XXYLT1: variants seen among roughly 807,000 people sequenced by gnomAD.
XXYLT1 encodes xyloside xylosyltransferase 1.
XXYLT1 carries 20 observed loss-of-function variants against 28.9 expected under a neutral mutation model. The ratio of observed to expected loss-of-function variants is 0.69; its 90% CI spans 0.49 to 1.00. The LOEUF (loss-of-function observed/expected upper bound fraction) is 1.00, where lower values mean the gene tolerates loss of function less well. Among genes scored for constraint, XXYLT1 ranks in the 50% least tolerant of loss-of-function variants. XXYLT1 has a pLI of 0.00. For missense variants in XXYLT1, 542 were observed against 560.1 expected (o/e 0.97, Z 0.33); for synonymous variants, 257 against 253.8 (o/e 1.01, Z -0.12).
intron 2 of XXYLT1, among the ~76,000 whole-genome samples, chr3:195,160,632 C>T (rs1010507842): frequency 2.0e-4 from 30 of 152,188 alleles, no homozygotes; most frequent in Middle Eastern, 3.2e-3. Flanking sequence ...CCTGCGGGAG[C>T]CAAAGGGCAA....
intron 1 of XXYLT1, among the ~76,000 whole-genome samples, chr3:195,228,817 CT>C (rs201938499): frequency 1.4e-4 from 21 of 145,520 alleles, no homozygotes; most frequent in South Asian, 4.4e-4. Context: ...ATATGTATCT[CT>C]TTTTTTTTTT....
At chr3:195,149,179 T>G (rs1249089467) in intron 3 of XXYLT1, among the ~76,000 whole-genome samples, 4 of 152,230 alleles carry the variant, frequency 2.6e-5, no homozygotes, top group African/African-American at 9.6e-5. Flanking sequence ...CAAAAAAAGA[T>G]GTACAAAGGT....
chr3:195,248,087 G>A (rs527411428), intron 1 of XXYLT1, among the ~76,000 whole-genome samples: 67 of 152,196 alleles, frequency 4.4e-4, no homozygotes, highest in African/African-American at 1.4e-3. Context: ...TCACAAAGCC[G>A]CTCATCCAGT....
At chr3:195,162,306 C>G (rs976495957) in intron 2 of XXYLT1, among the ~76,000 whole-genome samples, 2 of 152,128 alleles carry the variant, frequency 1.3e-5, no homozygotes, top group Admixed American at 6.5e-5. Context: ...AGGCTCTGCC[C>G]AGACAGGAAG....
At chr3:195,097,433 C>T (rs577788491) in intron 3 of XXYLT1, among the ~76,000 whole-genome samples, 6 of 152,334 alleles carry the variant, frequency 3.9e-5, no homozygotes, top group Admixed American at 3.3e-4. Flanking sequence ...TGCGTATCAA[C>T]ACGTAGCTAG....
chr3:195,185,412 G>A (rs1030650500), intron 2 of XXYLT1, among the ~76,000 whole-genome samples: 3 of 151,904 alleles, frequency 2.0e-5, no homozygotes, highest in Non-Finnish European at 2.9e-5. Context: ...AGAACCATGA[G>A]GACAGAGAGA....
chr3:195,073,283 G>A (rs935916978), intron 3 of XXYLT1, among the ~76,000 whole-genome samples: 4 of 152,200 alleles, frequency 2.6e-5, no homozygotes, highest in Non-Finnish European at 4.4e-5. Flanking sequence ...AGGAACTTAG[G>A]GCTCAGACCT....
chr3:195,108,070 C>A (rs1461426096), intron 3 of XXYLT1, among the ~76,000 whole-genome samples: 1 of 152,236 alleles, frequency 6.6e-6, no homozygotes, highest in African/African-American at 2.4e-5. Flanking sequence ...TCTCCCACCA[C>A]TCCCCATAGG....
chr3:195,249,018 T>A (rs1725147158), intron 1 of XXYLT1, among the ~76,000 whole-genome samples: 1 of 152,212 alleles, frequency 6.6e-6, no homozygotes, highest in South Asian at 2.1e-4. Context: ...AATTAAAATA[T>A]ACGTTAAGTA....
chr3:195,154,566 C>T (rs1054634096), intron 3 of XXYLT1, among the ~76,000 whole-genome samples: 2 of 152,160 alleles, frequency 1.3e-5, no homozygotes, highest in African/African-American at 4.8e-5. Flanking sequence ...CTCCAGGGAG[C>T]GCGTGCACAA....
In XXYLT1 at chr3:195,150,358, CTG is replaced by C; in HGVS notation, c.785+6089_785+6090del. Among the ~76,000 whole-genome samples, 1 of 152,304 alleles carries C rather than the reference CTG, an allele frequency of 6.6e-6. No individual in the cohort carries two copies. The highest frequency in any genetic ancestry group is 6.5e-5 in the Admixed American group (1 of 15,302). On this transcript the variant is annotated intron_variant, in intron 3 of 3. Transcript: ENST00000310380. This position sits in a 1 kb window ranked among gnomAD's most constrained non-coding sequence, Gnocchi z 4.7. ...CACACCCTCCCTTCTTCCCTCTGTG[CTG>C]GCGCTCACTCCCTCCCCAACACTCC...
intron 3 of XXYLT1, among the ~76,000 whole-genome samples, chr3:195,087,704 T>C (rs1715813596): frequency 6.6e-6 from 1 of 152,170 alleles, no homozygotes; most frequent in Non-Finnish European, 1.5e-5. Context: ...TAGGAACAGC[T>C]CTGGTGTACA....
intron 3 of XXYLT1, among the ~76,000 whole-genome samples, chr3:195,082,512 G>A (rs1053988415): frequency 6.6e-6 from 1 of 152,168 alleles, no homozygotes; most frequent in South Asian, 2.1e-4. Flanking sequence ...ATAAACACAC[G>A]GAACCTCGTG....
chr3:195,110,822 ATAAG>A (rs1412157359), intron 3 of XXYLT1, among the ~76,000 whole-genome samples: 3 of 65,062 alleles, frequency 4.6e-5, no homozygotes, highest in Admixed American at 1.6e-4. Context: ...TGTGTGGTGT[ATAAG>A]TGTGTGTGTG....
chr3:195,262,244 T>C (rs1157792897), intron 1 of XXYLT1, among the ~76,000 whole-genome samples: 2 of 152,152 alleles, frequency 1.3e-5, no homozygotes, highest in Admixed American at 1.3e-4. Flanking sequence ...AGACCACATA[T>C]TAGCTGAGCC....
chr3:195,199,665 G>C (rs561519352), intron 2 of XXYLT1, among the ~76,000 whole-genome samples: 1 of 152,118 alleles, frequency 6.6e-6, no homozygotes, highest in South Asian at 2.1e-4. Flanking sequence ...GAGCTAAGGA[G>C]TCTCATAGGG....
intron 2 of XXYLT1, among the ~76,000 whole-genome samples, chr3:195,219,120 T>A (rs1408105750): frequency 6.9e-6 from 1 of 145,974 alleles, no homozygotes; most frequent in Non-Finnish European, 1.5e-5. Flanking sequence ...AACAATGAGA[T>A]CACATGGACA....
At chr3:195,074,235 G>C (rs561946990) in intron 3 of XXYLT1, among the ~76,000 whole-genome samples, 1 of 152,312 alleles carries the variant, frequency 6.6e-6, no homozygotes, top group Admixed American at 6.5e-5. Flanking sequence ...GCTGACTCAG[G>C]CTAAGTTCAG....
intron 1 of XXYLT1, among the ~76,000 whole-genome samples, chr3:195,230,090 T>C (rs1041371977): frequency 1.3e-5 from 2 of 152,252 alleles, no homozygotes; most frequent in Admixed American, 6.5e-5. Context: ...TGGAGTGAGA[T>C]GATATCTCAT....
Sources: allele counts gnomAD v4.1 joint callset (sites outside exome capture counted in the v4.1 genomes callset), GRCh38; gene constraint gnomAD v4.1.1; non-coding constraint Gnocchi (gnomAD v3.1); transcripts MANE v1.5; gene names NCBI Gene and HGNC (gene_info 2026-07-23, HGNC 2026-07-21).